Variants in CCDC175 observed in about 807,000 individuals in gnomAD.
CCDC175 encodes the protein coiled-coil domain-containing protein 175.
CCDC175 carries 100 observed loss-of-function variants against 114.6 expected under a neutral mutation model. The ratio of observed to expected loss-of-function variants is 0.87; its 90% CI spans 0.74 to 1.03. CCDC175 has a LOEUF of 1.03. Among genes scored for constraint, CCDC175 ranks in the 50% least tolerant of loss-of-function variants. The pLI is 0.00. For missense variants in CCDC175, 880 were observed against 917.8 expected (o/e 0.96, Z 0.53); for synonymous variants, 306 against 308.7 (o/e 0.99, Z 0.09).
chr14:59,551,585 C>G (rs772600388), intron 7 of CCDC175, 149 bp from the exon 8 acceptor site: 1 of 489,460 alleles, frequency 2.0e-6, no homozygotes, highest in Admixed American at 4.0e-5. Flanking sequence ...ACCGAAGTAC[C>G]GGGTTCATCT....
chr14:59,558,096 T>G (rs187794272), intron 7 of CCDC175, among the ~76,000 whole-genome samples: 1 of 152,148 alleles, frequency 6.6e-6, no homozygotes, highest in East Asian at 1.9e-4. Flanking sequence ...GCCAGCAACA[T>G]GAAGATCTGA....
chr14:59,542,440 T>C (rs1894843119), intron 10 of CCDC175, among the ~76,000 whole-genome samples: 1 of 151,916 alleles, frequency 6.6e-6, no homozygotes, highest in South Asian at 2.1e-4. Flanking sequence ...TGCATCCTCC[T>C]TTGATCCAGC....
chr14:59,537,930 T>C, intron 13 of CCDC175, 93 bp downstream of exon 13: 1 of 832,682 alleles, frequency 1.2e-6, no homozygotes, highest in Non-Finnish European at 1.7e-6. Context: ...ATATTTATTT[T>C]ACATTTAACT....
chr14:59,572,882 G>T, intron 2 of CCDC175, 69 bp from the exon 3 acceptor site: 1 of 883,820 alleles, frequency 1.1e-6, no homozygotes, highest in Non-Finnish European at 1.7e-6. Context: ...CCTAAACAAT[G>T]CCCTACAAAT....
At chr14:59,514,052 A>G (rs1400948334) in intron 17 of CCDC175, among the ~76,000 whole-genome samples, 2 of 152,226 alleles carry the variant, frequency 1.3e-5, no homozygotes, top group Non-Finnish European at 2.9e-5. Context: ...ACCCAGGCAA[A>G]CGGGGTCTGG....
intron 3 of CCDC175, among the ~76,000 whole-genome samples, chr14:59,572,246 C>T (rs1205286749): frequency 6.6e-6 from 1 of 152,144 alleles, no homozygotes; most frequent in Non-Finnish European, 1.5e-5. Context: ...GAATATTATT[C>T]AGCCTTAAAA....
chr14:59,531,343 G>A (rs1396634858), intron 14 of CCDC175, among the ~76,000 whole-genome samples: 1 of 127,494 alleles, frequency 7.8e-6, no homozygotes, highest in Non-Finnish European at 1.6e-5. Flanking sequence ...TGCCTCAGGA[G>A]GAAGTTAGTG....
At chr14:59,565,357 CA>C in intron 4 of CCDC175, 82 bp from the exon 5 acceptor site, 1 of 1,108,672 alleles carries the variant, frequency 9.0e-7, no homozygotes. Context: ...GAGCCCTCAG[CA>C]AGAGGAAAAG....
At chr14:59,528,975 T>C (rs910595246) in intron 14 of CCDC175, among the ~76,000 whole-genome samples, 2 of 152,248 alleles carry the variant, frequency 1.3e-5, no homozygotes, top group Admixed American at 1.3e-4. Context: ...ATTTTCTCTG[T>C]TTCCATCAAG....
intron 13 of CCDC175, among the ~76,000 whole-genome samples, chr14:59,535,647 T>C (rs1016047109): frequency 6.6e-6 from 1 of 152,204 alleles, no homozygotes; most frequent in African/African-American, 2.4e-5. Flanking sequence ...CCACTCAACA[T>C]AGAAGCTAGA....
chr14:59,515,959 C>A (rs1403801065), intron 17 of CCDC175, among the ~76,000 whole-genome samples: 1 of 152,186 alleles, frequency 6.6e-6, no homozygotes, highest in Non-Finnish European at 1.5e-5. Context: ...GAAATTATAA[C>A]AAACTGTCTC....
intron 13 of CCDC175, 119 bp downstream of exon 13, chr14:59,537,902 AGC>A (rs1894504266): frequency 1.3e-5 from 8 of 623,796 alleles, no homozygotes; most frequent in African/African-American, 5.7e-5. Flanking sequence ...ATGAAATTGT[AGC>A]CTCTTTCATA....
At position 59,576,708 on chromosome 14, in the gene CCDC175, G is replaced by A. The variant is rs955788578; in HGVS notation, c.68C>T (p.Ser23Phe). Residue 23 changes from serine to phenylalanine, a missense_variant, in exon 1 of 20, where the codon TCC (serine) becomes TTC (phenylalanine). Coordinates refer to ENST00000537690, the MANE Select transcript of CCDC175 (RefSeq NM_001164399.2). ...GEKLVQAAAV[S>F]TGPSLELCTL... Reference sequence around the variant, plus strand: ...GCATAACTCCAGGGAGGGGCCAGTGGAGACGGCAGCCGCCTGCACCAGCTT... The same window carrying A: ...GCATAACTCCAGGGAGGGGCCAGTGAAGACGGCAGCCGCCTGCACCAGCTT... 6.8e-7 allele frequency: 1 copy of A among 1,480,554 alleles called. No homozygotes were observed. The allele number at this position is 1,480,554 out of a possible 1,614,324, so 91.7% of individuals were successfully genotyped here.
chr14:59,572,772 T>G lies in CCDC175; in HGVS notation c.285A>C (p.Glu95Asp), dbSNP rs1404354405. The change falls in exon 3 of 20, where the codon GAA (glutamate) becomes GAC (aspartate). Residue 95 changes from glutamate (E) to aspartate (D), a missense_variant. By Grantham distance (45) the Glu-to-Asp change is conservative (BLOSUM62 2). Transcript: ENST00000537690. The stretch of plus-strand genomic sequence containing the variant: ...AGTATAGTTTGTTGAGTTCCATGCT[T>G]TCAATCTCCAAAAGATCGATTGTGG... ...RKATIDLLEI[E>D]SMELNKLYYL... The G allele has an allele frequency of 6.6e-7, 1 of 1,517,728 alleles. No homozygotes were observed. The highest frequency in any genetic ancestry group is 8.8e-7 in the Non-Finnish European group (1 of 1,142,260). 94.0% of individuals were successfully genotyped at this position (1,517,728 alleles called of 1,614,324 possible).
chr14:59,570,417 G>T (rs913563916), intron 3 of CCDC175, among the ~76,000 whole-genome samples: 4 of 152,062 alleles, frequency 2.6e-5, no homozygotes, highest in Admixed American at 6.5e-5. Flanking sequence ...GCAATAAATG[G>T]CTAACTGGAA....
chr14:59,567,550 A>G (rs1896630961), intron 4 of CCDC175, among the ~76,000 whole-genome samples: 1 of 152,178 alleles, frequency 6.6e-6, no homozygotes, highest in Admixed American at 6.5e-5. Flanking sequence ...AAATTTTCTC[A>G]TAGGGGTAAT....
intron 19 of CCDC175, among the ~76,000 whole-genome samples, chr14:59,505,975 A>G (rs1007963778): frequency 6.6e-6 from 1 of 152,186 alleles, no homozygotes; most frequent in African/African-American, 2.4e-5. Context: ...CTAAAATCTG[A>G]AATCTTAAAT....
rs1595093324 is a variant in CCDC175 at position 59,576,692 on chromosome 14, CAGGGAG to C, written c.78_83del (p.Ser27_Leu28del). ...GGGTGGAGGGTAAGGTGCATAACTC[CAGGGAG>C]GGGCCAGTGGAGACGGCAGCCGCCT... is the stretch of plus-strand genomic sequence containing the variant. On this transcript the variant is annotated inframe_deletion, in exon 1 of 20. Transcript: ENST00000537690. 1 of 1,487,824 alleles carries C rather than the reference CAGGGAG, an allele frequency of 6.7e-7. No individual in the cohort carries two copies. Among genetic ancestry groups the C allele is most frequent in the East Asian group, 2.8e-5 (1 of 35,650 alleles). The allele number at this position is 1,487,824 out of a possible 1,614,324, so 92.2% of individuals were successfully genotyped here.
chr14:59,527,239 T>A (rs913549740), intron 14 of CCDC175, 65 bp from the exon 15 acceptor site: 3 of 838,912 alleles, frequency 3.6e-6, no homozygotes, highest in African/African-American at 3.5e-5. Context: ...ATCAAAGAAG[T>A]ACCTAGTTTT....
Sources: allele counts gnomAD v4.1 joint callset (sites outside exome capture counted in the v4.1 genomes callset), GRCh38; gene constraint gnomAD v4.1.1; transcripts MANE v1.5; gene names NCBI Gene and HGNC (gene_info 2026-07-23, HGNC 2026-07-21).